CACNA2D3: variants seen among roughly 807,000 people sequenced by gnomAD.
The protein encoded by CACNA2D3 is voltage-dependent calcium channel subunit alpha-2/delta-3.
CACNA2D3 carries 60 observed loss-of-function variants against 160.6 expected under a neutral mutation model. The observed-to-expected ratio is 0.37, with a 90% CI of 0.30 to 0.46. CACNA2D3 has a LOEUF of 0.46. Ranked by LOEUF, CACNA2D3 falls within the 20% of genes least tolerant of loss-of-function variation. CACNA2D3 has a pLI of 1.00. For missense variants in CACNA2D3, 1,205 were observed against 1,365.0 expected (o/e 0.88, Z 1.85); for synonymous variants, 558 against 492.9 (o/e 1.13, Z -1.75).
chr3:54,485,586 G>A (rs1411945034), intron 4 of CACNA2D3, among the ~76,000 whole-genome samples: 1 of 147,734 alleles, frequency 6.8e-6, no homozygotes, highest in South Asian at 2.1e-4. Flanking sequence ...TTTTTTTTGA[G>A]ACAGAGTTGC....
intron 2 of CACNA2D3, among the ~76,000 whole-genome samples, chr3:54,130,619 G>A (rs563807679): frequency 1.7e-4 from 26 of 152,234 alleles, no homozygotes; most frequent in Admixed American, 1.1e-3. Context: ...TACAGATTGC[G>A]AAGCTGAGGC....
chr3:54,181,311 AG>A (rs1204815158), intron 2 of CACNA2D3, among the ~76,000 whole-genome samples: 3 of 152,340 alleles, frequency 2.0e-5, no homozygotes, highest in Admixed American at 2.0e-4. Flanking sequence ...AACAACCATG[AG>A]GGGTTGTAAA....
intron 2 of CACNA2D3, among the ~76,000 whole-genome samples, chr3:54,300,605 T>G (rs1703453289): frequency 6.6e-6 from 1 of 152,238 alleles, no homozygotes; most frequent in African/African-American, 2.4e-5. Flanking sequence ...AATTGATATC[T>G]GATTATATAT....
At chr3:54,161,842 TTC>T (rs2107297981) in intron 2 of CACNA2D3, among the ~76,000 whole-genome samples, 1 of 152,322 alleles carries the variant, frequency 6.6e-6, no homozygotes, top group African/African-American at 2.4e-5. Context: ...TCTCCTCATT[TTC>T]TGACACAAAA....
At chr3:54,157,518 C>T (rs1040511106) in intron 2 of CACNA2D3, among the ~76,000 whole-genome samples, 4 of 152,108 alleles carry the variant, frequency 2.6e-5, no homozygotes, top group Non-Finnish European at 4.4e-5. Context: ...GGGCCAGGCA[C>T]GGTGGCTCAC....
intron 17 of CACNA2D3, among the ~76,000 whole-genome samples, chr3:54,847,911 TG>T (rs2106777295): frequency 6.6e-6 from 1 of 152,270 alleles, no homozygotes; most frequent in East Asian, 1.9e-4. Context: ...TATTCCAAAT[TG>T]GAAAGGAACA....
At chr3:54,311,478 C>T (rs938955994) in intron 2 of CACNA2D3, among the ~76,000 whole-genome samples, 10 of 152,130 alleles carry the variant, frequency 6.6e-5, no homozygotes, top group African/African-American at 2.2e-4. Flanking sequence ...TTGACTAATC[C>T]ATCATTTTAC....
At chr3:54,149,427 G>T (rs1490947805) in intron 2 of CACNA2D3, among the ~76,000 whole-genome samples, 2 of 152,174 alleles carry the variant, frequency 1.3e-5, no homozygotes, top group African/African-American at 4.8e-5. Context: ...TGGGAAAGGG[G>T]CCCACACAAG....
intron 9 of CACNA2D3, among the ~76,000 whole-genome samples, chr3:54,603,226 G>T (rs1054424632): frequency 6.6e-6 from 1 of 152,212 alleles, no homozygotes; most frequent in African/African-American, 2.4e-5. Context: ...CCAGTGTGAG[G>T]CTCCACAGAA....
intron 2 of CACNA2D3, among the ~76,000 whole-genome samples, chr3:54,301,991 C>T (rs1307072502): frequency 6.6e-6 from 1 of 152,164 alleles, no homozygotes; most frequent in Non-Finnish European, 1.5e-5. Flanking sequence ...CTACAAAAGC[C>T]TGTCAAACAA....
chr3:54,933,756 A>T (rs937754576), intron 27 of CACNA2D3, among the ~76,000 whole-genome samples: 1 of 126,912 alleles, frequency 7.9e-6, no homozygotes, highest in African/African-American at 3.2e-5. Flanking sequence ...AGATATTACT[A>T]TTACTTTTTT....
At chr3:54,963,838 G>T (rs1381013663) in intron 27 of CACNA2D3, among the ~76,000 whole-genome samples, 1 of 152,196 alleles carries the variant, frequency 6.6e-6, no homozygotes, top group African/African-American at 2.4e-5. Context: ...AAACATGGGA[G>T]AAAGGAATGG....
chr3:55,014,541 C>A (rs980031971), intron 34 of CACNA2D3, among the ~76,000 whole-genome samples: 4 of 152,062 alleles, frequency 2.6e-5, no homozygotes, highest in African/African-American at 9.7e-5. Context: ...CTAGCCTGGC[C>A]AACATGGTGC....
Position 54,363,285 on chromosome 3 carries a change from G to A in CACNA2D3, c.322-23430G>A, listed in dbSNP as rs536218744. On this transcript the variant is annotated intron_variant, in intron 3 of 37. Transcript: ENST00000474759. Reference sequence around the variant, plus strand: ...AGAGTATTGGAAAACACACATACACGATCGGACAAAACAAAACAAAAAAAC... The same window carrying A: ...AGAGTATTGGAAAACACACATACACAATCGGACAAAACAAAACAAAAAAAC... Among the ~76,000 whole-genome samples, 36 of 152,106 alleles carry A rather than the reference G, an allele frequency of 2.4e-4. 1 individual carries two copies. The South Asian group carries it at 7.1e-3, about 30-fold the overall frequency.
chr3:55,040,358 C>G (rs1007792159), intron 35 of CACNA2D3, among the ~76,000 whole-genome samples: 6 of 152,122 alleles, frequency 3.9e-5, no homozygotes, highest in Admixed American at 2.6e-4. Flanking sequence ...CTAACCATAT[C>G]AGCATAATAA....
chr3:54,241,028 A>G (rs1701965178), intron 2 of CACNA2D3, among the ~76,000 whole-genome samples: 1 of 152,216 alleles, frequency 6.6e-6, no homozygotes, highest in Non-Finnish European at 1.5e-5. Flanking sequence ...GGCATGAGCC[A>G]CTGCACCTGG....
At chr3:54,362,237 T>A (rs1232985389) in intron 3 of CACNA2D3, among the ~76,000 whole-genome samples, 2 of 152,146 alleles carry the variant, frequency 1.3e-5, no homozygotes, top group Admixed American at 1.3e-4. Context: ...GAAGGTCTTG[T>A]TTGAGGCTCA....
intron 2 of CACNA2D3, among the ~76,000 whole-genome samples, chr3:54,258,781 T>G (rs1702348744): frequency 6.6e-6 from 1 of 152,170 alleles, no homozygotes; most frequent in Admixed American, 6.5e-5. Flanking sequence ...GATTGAACAC[T>G]TTCATAACAC....
intron 3 of CACNA2D3, among the ~76,000 whole-genome samples, chr3:54,361,914 A>G (rs1698750048): frequency 2.0e-5 from 3 of 152,236 alleles, no homozygotes; most frequent in Admixed American, 2.0e-4. Flanking sequence ...GTGTCTGTAC[A>G]TGCATACACT....
Sources: allele counts gnomAD v4.1 joint callset (sites outside exome capture counted in the v4.1 genomes callset), GRCh38; gene constraint gnomAD v4.1.1; transcripts MANE v1.5; gene names NCBI Gene and HGNC (gene_info 2026-07-23, HGNC 2026-07-21).